PLG: variants seen among roughly 807,000 people sequenced by gnomAD.
The protein encoded by PLG is plasmin.
Under a neutral mutation model 104.4 loss-of-function variants are expected in PLG, and 41 were observed. That is an observed-to-expected ratio of 0.39 (90% confidence interval 0.31 to 0.51). The LOEUF is 0.51. Ranked by LOEUF, PLG falls within the 20% of genes least tolerant of loss-of-function variation. PLG has a pLI of 0.76. For synonymous variants in PLG, 337 were observed against 357.1 expected, an observed-to-expected ratio of 0.94 and a Z score of 0.63; for missense variants, 891 against 1,003.6, an observed-to-expected ratio of 0.89 and a Z score of 1.52.
chr6:160,713,845 T>C (rs1777687142), intron 5 of PLG, among the ~76,000 whole-genome samples: 1 of 152,214 alleles, frequency 6.6e-6, no homozygotes, highest in Non-Finnish European at 1.5e-5. Context: ...AGCAATTTAA[T>C]AGTGCACCTC....
At position 160,734,282 on chromosome 6, in the gene PLG, G is replaced by A. The variant is rs1052114924; in HGVS notation, c.1681+194G>A. ...TTTGTTAGAGGAACACCTGCCCATC[G>A]CCCCAGGCACACATAAATAAAATAA... On this transcript the variant is annotated intron_variant, in intron 13 of 18. Coordinates refer to ENST00000308192, the MANE Select transcript of PLG (RefSeq NM_000301.5). This position sits in a 1 kb window ranked among gnomAD's most constrained non-coding sequence, Gnocchi z 4.4. Among the ~76,000 whole-genome samples, 7 of 152,132 alleles carry A rather than the reference G, an allele frequency of 4.6e-5. No individual in the cohort carries two copies. The highest frequency in any genetic ancestry group is 5.9e-5 in the Non-Finnish European group (4 of 67,992).
At position 160,753,909 on chromosome 6, in the gene PLG, C is replaced by G. The variant is rs1348389841; in HGVS notation, c.*848C>G. 6.6e-6 allele frequency among the ~76,000 whole-genome samples: 1 copy of G among 152,154 alleles called. No homozygotes were observed. Among genetic ancestry groups the G allele is most frequent in the Non-Finnish European group, 1.5e-5 (1 of 68,024 alleles). On this transcript the variant is annotated 3_prime_UTR_variant, in exon 19 of 19. Coordinates refer to ENST00000308192, the MANE Select transcript of PLG (RefSeq NM_000301.5). The surrounding 1 kb of genome is among the most constrained non-coding windows in gnomAD (Gnocchi z 5.4). ...GAAAGGACAAAGGCACACGTTTTAC[C>G]ATTTAAAATATTGTTACCAAACAAA...
In PLG at chr6:160,713,116, G is replaced by A. The variant is rs369353385; in HGVS notation, c.538G>A (p.Glu180Lys). ...GAGATATGACTACTGCGACATTCTTGAGTGTGAAGGTCAGGAGTGGTTCTA... is the reference window on the plus strand; with the variant it reads ...GAGATATGACTACTGCGACATTCTTAAGTGTGAAGGTCAGGAGTGGTTCTA... Reference protein sequence around the residue: ...EKRYDYCDILECEEECMHCSG... With the variant: ...EKRYDYCDILKCEEECMHCSG... Residue 180 changes from glutamate (E) to lysine (K), a missense_variant, in exon 5 of 19, where the codon GAG becomes AAG. This residue lies in a region of PLG where 854 missense variants were observed against 932.1 expected (regional missense o/e 0.92). Transcript: ENST00000308192. The A allele has an allele frequency of 3.1e-5, 50 of 1,610,252 alleles. No homozygotes were observed. In the Middle Eastern group the frequency reaches 6.7e-4, roughly 22 times the overall value.
At position 160,725,520 on chromosome 6, in the gene PLG, A is replaced by G. The variant is rs1284288537; in HGVS notation, c.1256+2953A>G. Among the ~76,000 whole-genome samples, 2 of 152,126 alleles carry G rather than the reference A, an allele frequency of 1.3e-5. No individual in the cohort carries two copies. The highest frequency in any genetic ancestry group is 3.8e-4 in the East Asian group (2 of 5,196). On this transcript the variant is annotated intron_variant, in intron 10 of 18. Coordinates refer to ENST00000308192, the MANE Select transcript of PLG (RefSeq NM_000301.5). This position sits in a 1 kb window ranked among gnomAD's most constrained non-coding sequence, Gnocchi z 6.3. ...TGTTCCATTTATCCAAAAGAAGGAA[A>G]GAAAGGAAGAAAAAAGAATGAAGAA... is the stretch of plus-strand genomic sequence containing the variant.
intron 1 of PLG, among the ~76,000 whole-genome samples, chr6:160,703,558 G>C (rs1056161533): frequency 6.6e-6 from 1 of 152,138 alleles, no homozygotes; most frequent in Non-Finnish European, 1.5e-5. Flanking sequence ...AATAATGTAC[G>C]CTTGAAATTC....
intron 5 of PLG, among the ~76,000 whole-genome samples, chr6:160,714,258 C>T (rs571565243): frequency 4.5e-4 from 68 of 152,304 alleles, no homozygotes; most frequent in East Asian, 4.4e-3. Context: ...AAAAGAGAAG[C>T]GCTGTCACTT....
In PLG at chr6:160,711,081, T is replaced by C. The variant is rs1223510648; in HGVS notation, c.297T>C (p.Tyr99=). 6.2e-7 allele frequency: 1 copy of C among 1,613,038 alleles called. No individual in the cohort carries two copies. ...RDVVLFEKKV[Y]LSECKTGNGK... ...ACTGTGTGGACTTCCCTTCAGTGTATCTCTCAGAGTGCAAGACTGGGAATG... is the reference window on the plus strand; with the variant it reads ...ACTGTGTGGACTTCCCTTCAGTGTACCTCTCAGAGTGCAAGACTGGGAATG... The change falls in exon 4 of 19, where the codon TAT becomes TAC. Residue 99 remains tyrosine, a synonymous_variant. Transcript: ENST00000308192.
chr6:160,706,376 C>T, intron 1 of PLG, 31 bp from the exon 2 acceptor site: 1 of 1,611,098 alleles, frequency 6.2e-7, no homozygotes, highest in Admixed American at 1.7e-5. Context: ...ATTTACTGAC[C>T]ATTTATTCCA....
At chr6:160,717,417 C>A (rs541522076) in intron 7 of PLG, among the ~76,000 whole-genome samples, 2 of 152,132 alleles carry the variant, frequency 1.3e-5, no homozygotes, top group African/African-American at 4.8e-5. Context: ...CCTTTGAAAG[C>A]GGAAGTTCCT....
rs569829651 is a variant in PLG, at chr6:160,726,516, T to A, written c.1256+3949T>A. Among the ~76,000 whole-genome samples, 20 of 152,084 alleles carry A rather than the reference T, an allele frequency of 1.3e-4. No individual in the cohort carries two copies. Among genetic ancestry groups the A allele is most frequent in the African/African-American group, 4.6e-4 (19 of 41,542 alleles). ...ACTTAAGATGGCATTTCTCAAAGTA[T>A]GCTCTGGAGAAACCTGAAGTCTCTT... On this transcript the variant is annotated intron_variant, in intron 10 of 18. Transcript: ENST00000308192. The surrounding 1 kb of genome is among the most constrained non-coding windows in gnomAD (Gnocchi z 4.4).
rs367981165 is a variant in PLG at position 160,737,054 on chromosome 6, C to G, written c.1802+47C>G. 74 of 1,608,622 alleles carry G rather than the reference C, an allele frequency of 4.6e-5. No individual in the cohort carries two copies. Among genetic ancestry groups the G allele is most frequent in the Non-Finnish European group, 5.6e-5 (66 of 1,177,902 alleles). ...ATTTATACTGTCCCTCCACGTAAGC[C>G]CTGCAAAACCCTTCTACATTTACAT... On this transcript the variant is annotated intron_variant, in intron 14 of 18. Coordinates refer to ENST00000308192, the MANE Select transcript of PLG (RefSeq NM_000301.5). This position sits in a 1 kb window ranked among gnomAD's most constrained non-coding sequence, Gnocchi z 4.7.
intron 17 of PLG, among the ~76,000 whole-genome samples, chr6:160,750,887 C>T (rs783174): frequency 0.54 from 82,266 of 151,930 alleles, 23,148 homozygotes; most frequent in East Asian, 0.98. Context: ...TCTGGAAAAA[C>T]GGCATTTTCT....
At chr6:160,707,282 CA>C (rs747933217) in intron 2 of PLG, among the ~76,000 whole-genome samples, 141 of 151,954 alleles carry the variant, frequency 9.3e-4, no homozygotes, top group Non-Finnish European at 1.9e-3. Flanking sequence ...TGGGAGGGGT[CA>C]GGGGCCAGGG....
chr6:160,719,923 T>A lies in PLG; in HGVS notation c.1096+1085T>A, dbSNP rs1020420705. ...TCAAGAATAAAACTATTTTAAATAT[T>A]TTCTTTATTTATTTATTTTACCATT... On this transcript the variant is annotated intron_variant, in intron 9 of 18. Transcript: ENST00000308192. This position sits in a 1 kb window ranked among gnomAD's most constrained non-coding sequence, Gnocchi z 4.1. Among the ~76,000 whole-genome samples the A allele has an allele frequency of 1.3e-5, 2 of 152,198 alleles. No homozygotes were observed. The highest frequency in any genetic ancestry group is 4.8e-5 in the African/African-American group (2 of 41,454).
chr6:160,718,700 G>A lies in PLG; in HGVS notation c.958G>A (p.Asp320Asn), dbSNP rs757573859. The A allele has an allele frequency of 6.2e-7, 1 of 1,613,948 alleles. No individual in the cohort carries two copies. Among genetic ancestry groups the A allele is most frequent in the Admixed American group, 1.7e-5 (1 of 60,014 alleles). ...TPENFPCKNL[D>N]ENYCRNPDGK... Reference sequence around the variant, plus strand: ...CAATCACTTCTTTTTCAGAAATTTGGATGAAAACTACTGCCGCAATCCTGA... The same window carrying A: ...CAATCACTTCTTTTTCAGAAATTTGAATGAAAACTACTGCCGCAATCCTGA... The change falls in exon 9 of 19, where the codon GAT (aspartate) becomes AAT (asparagine). Residue 320 changes from aspartate to asparagine, a missense_variant. Physicochemically the swap from Asp to Asn is conservative, Grantham distance 23. Coordinates refer to ENST00000308192, the MANE Select transcript of PLG (RefSeq NM_000301.5).
chr6:160,711,858 AAAAATG>A, intron 4 of PLG: 1 of 1,393,262 alleles, frequency 7.2e-7, no homozygotes, highest in South Asian at 1.7e-5. Flanking sequence ...AATAAGATAT[AAAAATG>A]AAAATGAAGA....
rs370326625 is a variant in PLG at position 160,722,459 on chromosome 6, A to G, written c.1148A>G (p.Gln383Arg). The G allele has an allele frequency of 6.2e-7, 1 of 1,612,628 alleles. No homozygotes were observed. The highest frequency in any genetic ancestry group is 1.3e-5 in the African/African-American group (1 of 75,028). Reference protein sequence around the residue: ...VVQDCYHGDGQSYRGTSSTTT... With the variant: ...VVQDCYHGDGRSYRGTSSTTT... ...CAGGACTGCTACCATGGTGATGGACAGAGCTACCGAGGCACATCCTCCACC... is the reference window on the plus strand; with the variant it reads ...CAGGACTGCTACCATGGTGATGGACGGAGCTACCGAGGCACATCCTCCACC... Residue 383 changes from glutamine (Q) to arginine (R), a missense_variant, in exon 10 of 19, where the codon CAG (glutamine) becomes CGG (arginine). By Grantham distance (43) the Gln-to-Arg change is conservative (BLOSUM62 1). Around this residue, in one of 2 missense-constraint regions of PLG, gnomAD observed 854 missense variants for 932.1 expected, o/e 0.92. Transcript: ENST00000308192.
In PLG at chr6:160,731,052, G is replaced by A. The variant is rs1408106784; in HGVS notation, c.1258G>A (p.Gly420Ser). ...CCTGTATTGTTTTGGAATTTCCAGT[G>A]GCCTGACAATGAACTACTGCAGGAA... is the stretch of plus-strand genomic sequence containing the variant. ...QKTPENYPNA[G>S]LTMNYCRNPD... Residue 420 changes from glycine to serine, a missense_variant and splice_region_variant, in exon 11 of 19, where the codon GGC becomes AGC. By Grantham distance (56) the Gly-to-Ser change is moderately conservative. This residue lies in a region of PLG where 854 missense variants were observed against 932.1 expected (regional missense o/e 0.92). Transcript: ENST00000308192. The surrounding 1 kb of genome is among the most constrained non-coding windows in gnomAD (Gnocchi z 5.1). The A allele has an allele frequency of 3.7e-6, 6 of 1,613,836 alleles. No homozygotes were observed.
chr6:160,728,169 G>A (rs1047379686), intron 10 of PLG, among the ~76,000 whole-genome samples: 6 of 151,800 alleles, frequency 4.0e-5, no homozygotes, highest in Admixed American at 3.3e-4. Context: ...TGATCAACTG[G>A]AAAATAAAAA....
Sources: gnomAD v4.1 joint callset for allele counts (sites outside exome capture counted in the v4.1 genomes callset) on GRCh38, gnomAD v4.1.1 for gene constraint, gnomAD v4.1.1 regional missense constraint, Gnocchi (gnomAD v3.1) non-coding constraint, MANE v1.5 for transcripts, NCBI Gene and HGNC (gene_info 2026-07-23, HGNC 2026-07-21) for gene names.